The following OFD1 variants were observed in gnomAD, a reference collection of about 807,000 sequenced individuals.
OFD1 encodes centriole and centriolar satellite protein OFD1.
Under a neutral mutation model 81.4 loss-of-function variants are expected in OFD1, and 12 were observed. The ratio of observed to expected loss-of-function variants is 0.15; its 90% CI spans 0.09 to 0.24. The LOEUF (loss-of-function observed/expected upper bound fraction) is 0.24. Among genes scored for constraint, OFD1 ranks in the 10% least tolerant of loss-of-function variants. The pLI is 1.00. For missense variants in OFD1, 685 were observed against 733.9 expected, an observed-to-expected ratio of 0.93 and a Z score of 0.77; for synonymous variants, 256 against 263.7, an observed-to-expected ratio of 0.97 and a Z score of 0.28.
chrX:13,758,769 A>G (rs1812966802), intron 15 of OFD1, among the ~76,000 whole-genome samples: 1 of 111,607 alleles, frequency 9.0e-6, no homozygotes, highest in Non-Finnish European at 1.9e-5. Context: ...GTTAACACCA[A>G]TTCAGTAGTT....
At chrX:13,753,523 T>C in intron 11 of OFD1, 82 bp downstream of exon 11, 1 of 920,815 alleles carries the variant, frequency 1.1e-6, no homozygotes, top group East Asian at 3.1e-5. Context: ...TTTTCTATAT[T>C]CTAAAAAATA....
In OFD1 at chrX:13,758,332, T is replaced by C; in HGVS notation, c.1543-5T>C. 2 of 1,148,955 alleles carry C rather than the reference T, an allele frequency of 1.7e-6. No individual in the cohort carries two copies. The highest frequency in any genetic ancestry group is 2.4e-6 in the Non-Finnish European group (2 of 838,919). 94.7% of individuals were successfully genotyped at this position (1,148,955 alleles called of 1,213,427 possible). On this transcript the variant is annotated splice_region_variant and splice_polypyrimidine_tract_variant and intron_variant, in intron 14 of 22. Transcript: ENST00000340096. ...GATTTCTTTTCCTATTCTGAATCTT[T>C]TCAGATTGAGCATTCTGCACAGCTG...
At chrX:13,753,275 G>C in intron 10 of OFD1, 93 bp from the exon 11 acceptor site, 1 of 1,195,598 alleles carries the variant, frequency 8.4e-7, no homozygotes, top group Non-Finnish European at 1.1e-6. Context: ...AGCACCCTCA[G>C]GTGCTCCTGT....
rs1002034318 is a variant in OFD1, at chrX:13,734,876, G to C, written c.-196G>C. ...AGAACCGCGAAGAAAGGAAGCTCGC[G>C]TGTTTGCTAGAAAACCTAGTTGGGA... On this transcript the variant is annotated 5_prime_UTR_variant, in exon 1 of 23. Coordinates refer to ENST00000340096, the MANE Select transcript of OFD1 (RefSeq NM_003611.3). The C allele has an allele frequency of 5.0e-5, 54 of 1,084,134 alleles. No individual in the cohort carries two copies. The highest frequency in any genetic ancestry group is 6.3e-5 in the Non-Finnish European group (53 of 840,617). The allele number at this position is 1,084,134 out of a possible 1,213,427, so 89.3% of individuals were successfully genotyped here. A position where few individuals can be genotyped will look rare whatever the true frequency, so the allele number is the denominator to read the frequency against.
At chrX:13,734,169 T>TG, upstream of OFD1, 1 of 502,096 alleles carries the variant, frequency 2.0e-6, no homozygotes, top group Non-Finnish European at 3.6e-6. Context: ...TTGTCACACT[T>TG]GGGGGAGAAG....
At chrX:13,758,493 T>TTC (rs754085620) in intron 15 of OFD1, 45 bp downstream of exon 15, 1 of 697,139 alleles carries the variant, frequency 1.4e-6, no homozygotes, top group Admixed American at 2.4e-5. Flanking sequence ...TGTATAAAGC[T>TTC]TCTGGTGTCT....
At chrX:13,756,044 T>C (rs1380584809) in intron 12 of OFD1, among the ~76,000 whole-genome samples, 1 of 91,903 alleles carries the variant, frequency 1.1e-5, no homozygotes, top group East Asian at 4.0e-4. Context: ...AACCTCCACC[T>C]CCCGGGTTCA....
chrX:13,758,570 A>G (rs1051592391), intron 15 of OFD1, 122 bp downstream of exon 15: 1 of 469,573 alleles, frequency 2.1e-6, no homozygotes, highest in African/African-American at 2.5e-5. Flanking sequence ...CCATAGAAAT[A>G]TGTGTCATCT....
chrX:13,716,955 A>C, the OFD1 span, among the ~76,000 whole-genome samples: 1 of 105,559 alleles, frequency 9.5e-6, no homozygotes, highest in African/African-American at 3.5e-5. Context: ...TCTTTTTCAT[A>C]TAAATTTTTT....
chrX:13,715,743 G>A, the OFD1 span: 3 of 858,349 alleles, frequency 3.5e-6, no homozygotes, highest in South Asian at 4.5e-5. Flanking sequence ...AATCAGCTAT[G>A]AGGACAACAA....
chrX:13,754,095 C>A (rs1452860103), intron 11 of OFD1, among the ~76,000 whole-genome samples: 1 of 110,297 alleles, frequency 9.1e-6, no homozygotes, highest in Non-Finnish European at 1.9e-5. Flanking sequence ...CATTCTTCCA[C>A]CTCAGCCTCC....
chrX:13,738,746 G>A (rs376789353), intron 3 of OFD1, 100 bp from the exon 4 acceptor site: 4 of 559,832 alleles, frequency 7.1e-6, no homozygotes, highest in East Asian at 3.4e-5. Flanking sequence ...TATTTAATCT[G>A]AAGGATGTTT....
chrX:13,728,045 A>G, the OFD1 span, among the ~76,000 whole-genome samples: 1 of 112,236 alleles, frequency 8.9e-6, no homozygotes, highest in Non-Finnish European at 1.9e-5. Flanking sequence ...CCAAGGCTAA[A>G]CCAGGAAGAA....
the OFD1 span, among the ~76,000 whole-genome samples, chrX:13,714,983 A>G: frequency 8.9e-6 from 1 of 112,430 alleles, no homozygotes; most frequent in Non-Finnish European, 1.9e-5. Context: ...ATCATAACGC[A>G]TGACAGAAAA....
chrX:13,749,667 A>G (rs1438580633), intron 9 of OFD1, 134 bp downstream of exon 9: 2 of 479,080 alleles, frequency 4.2e-6, no homozygotes, highest in East Asian at 7.6e-5. Flanking sequence ...CCTAGAAGGT[A>G]CAAATTAAGA....
chrX:13,743,586 C>T (rs1293933995), intron 5 of OFD1, among the ~76,000 whole-genome samples: 1 of 112,427 alleles, frequency 8.9e-6, no homozygotes, highest in East Asian at 2.7e-4. Context: ...CACTCCCTTG[C>T]CAACACTTAG....
chrX:13,751,197 G>A (rs1383944326), intron 9 of OFD1, 52 bp from the exon 10 acceptor site: 6 of 1,153,746 alleles, frequency 5.2e-6, no homozygotes, highest in Non-Finnish European at 7.1e-6. Flanking sequence ...TCCTAAATTT[G>A]TTAGCTCAGC....
the OFD1 span, among the ~76,000 whole-genome samples, chrX:13,724,660 G>A: frequency 5.3e-5 from 6 of 112,283 alleles, no homozygotes; most frequent in Admixed American, 2.8e-4. Context: ...GAACACCTCC[G>A]GTCTGCAGCT....
chrX:13,722,777 G>A, the OFD1 span, among the ~76,000 whole-genome samples: 1 of 112,007 alleles, frequency 8.9e-6, no homozygotes, highest in Non-Finnish European at 1.9e-5. Flanking sequence ...AATGTGGCTA[G>A]TGTAGGCCAG....
Sources: allele counts gnomAD v4.1 joint callset (sites outside exome capture counted in the v4.1 genomes callset), GRCh38; gene constraint gnomAD v4.1.1; transcripts MANE v1.5; gene names NCBI Gene and HGNC (gene_info 2026-07-23, HGNC 2026-07-21).